The following RBFOX1 variants were observed in gnomAD, a reference collection of about 807,000 sequenced individuals.
RBFOX1 encodes the protein RNA binding protein fox-1 homolog 1.
RBFOX1 carries 8 observed loss-of-function variants against 57.7 expected under a neutral mutation model. The ratio of observed to expected loss-of-function variants is 0.14; its 90% CI spans 0.08 to 0.25. The LOEUF (loss-of-function observed/expected upper bound fraction) is 0.25. RBFOX1 is among the 10% of genes least tolerant of loss of function. RBFOX1 has a pLI of 1.00. For synonymous variants in RBFOX1, 326 were observed against 222.4 expected, an observed-to-expected ratio of 1.47 and a Z score of -4.15; for missense variants, 611 against 548.5, an observed-to-expected ratio of 1.11 and a Z score of -1.14.
chr16:6,617,834 C>T (rs918559314), intron 2 of RBFOX1, among the ~76,000 whole-genome samples: 1 of 152,070 alleles, frequency 6.6e-6, no homozygotes, highest in African/African-American at 2.4e-5. Flanking sequence ...AGAATTCCTC[C>T]TTGAGGAAGT....
chr16:6,854,369 T>C (rs2057404905), intron 3 of RBFOX1, among the ~76,000 whole-genome samples: 1 of 151,994 alleles, frequency 6.6e-6, no homozygotes, highest in South Asian at 2.1e-4. Flanking sequence ...GCTTAAGGGG[T>C]TAATTATTAA....
intron 1 of RBFOX1, among the ~76,000 whole-genome samples, chr16:5,252,848 A>C (rs1463485111): frequency 3.9e-5 from 6 of 152,206 alleles, no homozygotes; most frequent in African/African-American, 1.4e-4. Context: ...TCCCCCTTCC[A>C]GAAAACCCAG....
At chr16:5,888,796 TAAAAAAAAA>T (rs59196477) in intron 4 of RBFOX1, among the ~76,000 whole-genome samples, 11 of 99,232 alleles carry the variant, frequency 1.1e-4, no homozygotes, top group Non-Finnish European at 9.9e-5. Flanking sequence ...AAACTCAGTC[TAAAAAAAAA>T]AAAAAAAAAA....
chr16:7,562,142 G>C (rs1388188959), intron 5 of RBFOX1, among the ~76,000 whole-genome samples: 1 of 152,222 alleles, frequency 6.6e-6, no homozygotes, highest in Non-Finnish European at 1.5e-5. Flanking sequence ...ACAGAAGACA[G>C]TGGCAACAAT....
At chr16:5,294,587 T>A (rs575620618) in intron 1 of RBFOX1, among the ~76,000 whole-genome samples, 1 of 152,238 alleles carries the variant, frequency 6.6e-6, no homozygotes, top group South Asian at 2.1e-4. Context: ...CAGAATCTTG[T>A]GGGTGGGGCC....
At chr16:6,430,860 G>T (rs2094059724) in intron 2 of RBFOX1, among the ~76,000 whole-genome samples, 1 of 151,382 alleles carries the variant, frequency 6.6e-6, no homozygotes, top group African/African-American at 2.4e-5. Context: ...GTCAGGAACA[G>T]TAGCTCATGC....
chr16:5,376,471 C>T (rs1233043677), intron 1 of RBFOX1, among the ~76,000 whole-genome samples: 1 of 151,934 alleles, frequency 6.6e-6, no homozygotes, highest in Non-Finnish European at 1.5e-5. Flanking sequence ...CTAAGGAGGA[C>T]AGGAGAAGGG....
chr16:6,961,585 C>A (rs571462595), intron 3 of RBFOX1, among the ~76,000 whole-genome samples: 3 of 152,172 alleles, frequency 2.0e-5, no homozygotes, highest in Non-Finnish European at 4.4e-5. Context: ...ATAGGCAGAG[C>A]AGCTCTGAGG....
intron 1 of RBFOX1, among the ~76,000 whole-genome samples, chr16:6,071,302 C>G (rs566756018): frequency 2.0e-5 from 3 of 152,156 alleles, no homozygotes; most frequent in African/African-American, 7.2e-5. Context: ...GCCTGGATGA[C>G]AGAGTGAGAC....
chr16:5,831,323 C>T (rs1055071682), intron 3 of RBFOX1, among the ~76,000 whole-genome samples: 1 of 152,056 alleles, frequency 6.6e-6, no homozygotes, highest in African/African-American at 2.4e-5. Context: ...CCCTGCCATT[C>T]TCTCTATCTT....
intron 3 of RBFOX1, among the ~76,000 whole-genome samples, chr16:7,010,527 C>T (rs1380199770): frequency 6.7e-6 from 1 of 148,372 alleles, no homozygotes; most frequent in South Asian, 2.1e-4. Flanking sequence ...AGACACTGAT[C>T]ACATCTCCCC....
intron 2 of RBFOX1, among the ~76,000 whole-genome samples, chr16:6,557,090 TATAC>T (rs1398719500): frequency 5.4e-5 from 8 of 146,850 alleles, no homozygotes; most frequent in African/African-American, 1.5e-4. Context: ...TATACATACA[TATAC>T]ATATATACAT....
At chr16:7,072,933 T>A (rs577364383) in intron 4 of RBFOX1, among the ~76,000 whole-genome samples, 1 of 152,190 alleles carries the variant, frequency 6.6e-6, no homozygotes, top group Non-Finnish European at 1.5e-5. Context: ...AAAGGACAGA[T>A]CTGTGTGGGA....
intron 2 of RBFOX1, among the ~76,000 whole-genome samples, chr16:6,509,940 G>T (rs1263753124): frequency 6.6e-6 from 1 of 152,182 alleles, no homozygotes; most frequent in African/African-American, 2.4e-5. Flanking sequence ...CTCCATAAGT[G>T]ATGGGATGTT....
chr16:7,024,057 C>G (rs571940736), intron 3 of RBFOX1, among the ~76,000 whole-genome samples: 14 of 152,198 alleles, frequency 9.2e-5, no homozygotes, highest in African/African-American at 3.4e-4. Context: ...GGTCATAAAA[C>G]CAGGGATTTC....
intron 1 of RBFOX1, among the ~76,000 whole-genome samples, chr16:6,286,295 C>G (rs1040698062): frequency 2.6e-5 from 4 of 152,112 alleles, no homozygotes; most frequent in Admixed American, 2.6e-4. Context: ...AGACACATTC[C>G]CAGACAGTGA....
chr16:6,249,733 A>C (rs1038905593), intron 1 of RBFOX1, among the ~76,000 whole-genome samples: 1 of 151,728 alleles, frequency 6.6e-6, no homozygotes, highest in African/African-American at 2.4e-5. Flanking sequence ...AAACACTGGG[A>C]AGGTTGAAGA....
intron 1 of RBFOX1, among the ~76,000 whole-genome samples, chr16:6,075,494 A>G (rs1012978698): frequency 6.6e-6 from 1 of 152,216 alleles, no homozygotes; most frequent in African/African-American, 2.4e-5. Context: ...TAGAAAATAT[A>G]CTGTGTACCT....
At chr16:5,984,946 T>TTATATATATATATA (rs61004841) in intron 4 of RBFOX1, among the ~76,000 whole-genome samples, 12 of 69,658 alleles carry the variant, frequency 1.7e-4, no homozygotes, top group African/African-American at 7.9e-4. Context: ...GGCAACTCCA[T>TTATATATATATATA]TATATATATA....
Sources: gnomAD v4.1 joint callset for allele counts (sites outside exome capture counted in the v4.1 genomes callset) on GRCh38, gnomAD v4.1.1 for gene constraint, MANE v1.5 for transcripts, NCBI Gene and HGNC (gene_info 2026-07-23, HGNC 2026-07-21) for gene names.